DMD: variants seen among roughly 807,000 people sequenced by gnomAD.
DMD encodes mutant dystrophin.
Under a neutral mutation model 330.1 loss-of-function variants are expected in DMD, and 63 were observed. That is an observed-to-expected ratio of 0.19 (90% confidence interval 0.16 to 0.24). The LOEUF (loss-of-function observed/expected upper bound fraction) is 0.24. DMD is among the 10% of genes least tolerant of loss of function. DMD has a pLI of 1.00. For synonymous variants in DMD, 1,223 were observed against 959.8 expected, an observed-to-expected ratio of 1.27 and a Z score of -5.07; for missense variants, 3,344 against 2,684.1, an observed-to-expected ratio of 1.25 and a Z score of -5.43.
chrX:31,304,603 T>TTATATA (rs201982524), intron 62 of DMD, among the ~76,000 whole-genome samples: 2 of 104,607 alleles, frequency 1.9e-5, no homozygotes, highest in South Asian at 4.0e-4. Flanking sequence ...TGTGAGCATT[T>TTATATA]TATATATATA....
At chrX:31,502,719 G>T (rs1000364595) in intron 56 of DMD, among the ~76,000 whole-genome samples, 3 of 110,873 alleles carry the variant, frequency 2.7e-5, no homozygotes, top group African/African-American at 9.8e-5. Flanking sequence ...ACAATGATCT[G>T]GAAAAATAAT....
chrX:32,843,946 A>T (rs1222985394), intron 4 of DMD, among the ~76,000 whole-genome samples: 1 of 112,313 alleles, frequency 8.9e-6, no homozygotes, highest in Non-Finnish European at 1.9e-5. Context: ...TGCCATTCAT[A>T]CCCCAAGTAA....
At chrX:32,797,168 G>C (rs1347927065) in intron 7 of DMD, among the ~76,000 whole-genome samples, 1 of 110,783 alleles carries the variant, frequency 9.0e-6, no homozygotes, top group Admixed American at 9.7e-5. Flanking sequence ...TTTTGCCTAG[G>C]CTTGAGAGTA....
chrX:33,330,060 G>C (rs2054147227), intron 1 of DMD, among the ~76,000 whole-genome samples: 1 of 110,830 alleles, frequency 9.0e-6, no homozygotes, highest in African/African-American at 3.3e-5. Context: ...TAGATATATA[G>C]ATAAATATAT....
intron 2 of DMD, among the ~76,000 whole-genome samples, chrX:32,893,393 T>C (rs191831424): frequency 1.8e-5 from 2 of 111,987 alleles, no homozygotes; most frequent in Non-Finnish European, 3.8e-5. Context: ...ATGTCTTCCA[T>C]TTCTTTCCTT....
intron 51 of DMD, among the ~76,000 whole-genome samples, chrX:31,756,581 C>T (rs1195623469): frequency 1.1e-4 from 12 of 112,741 alleles, no homozygotes; most frequent in Non-Finnish European, 2.1e-4. Context: ...AGTCACTTAA[C>T]CTCTCTGAGT....
chrX:32,080,034 G>C (rs2096380803), intron 44 of DMD, among the ~76,000 whole-genome samples: 1 of 112,423 alleles, frequency 8.9e-6, no homozygotes, highest in Non-Finnish European at 1.9e-5. Context: ...AATGGGTATA[G>C]AGGCCACCAG....
intron 44 of DMD, among the ~76,000 whole-genome samples, chrX:32,087,555 C>T (rs2096448145): frequency 9.0e-6 from 1 of 111,451 alleles, no homozygotes; most frequent in Non-Finnish European, 1.9e-5. Flanking sequence ...TCGTGTTGTG[C>T]GTTGGAATTT....
intron 74 of DMD, among the ~76,000 whole-genome samples, chrX:31,168,324 T>C (rs773736589): frequency 1.8e-5 from 2 of 110,526 alleles, no homozygotes; most frequent in East Asian, 2.9e-4. Flanking sequence ...AGAAATCCAG[T>C]GAAAGGGGAA....
chrX:31,257,342 G>A (rs1194657915), intron 63 of DMD, among the ~76,000 whole-genome samples: 3 of 107,563 alleles, frequency 2.8e-5, no homozygotes, highest in Non-Finnish European at 5.7e-5. Context: ...GTTCAGGTTC[G>A]ATTAGGAGAG....
chrX:31,749,318 A>G (rs1427246302), intron 51 of DMD, among the ~76,000 whole-genome samples: 2 of 72,318 alleles, frequency 2.8e-5, no homozygotes, highest in Non-Finnish European at 4.9e-5. Context: ...AACAGTCCCC[A>G]GAGTGTGATG....
chrX:32,256,607 C>T (rs187896202), intron 43 of DMD, among the ~76,000 whole-genome samples: 2 of 110,468 alleles, frequency 1.8e-5, no homozygotes, highest in East Asian at 5.7e-4. Flanking sequence ...TTCATAGGGT[C>T]GATGGTCTTT....
intron 48 of DMD, 149 bp downstream of exon 48, chrX:31,875,039 C>T: frequency 1.9e-6 from 1 of 515,756 alleles, no homozygotes; most frequent in Non-Finnish European, 3.2e-6. Context: ...GGTCCCTGTG[C>T]CTATTGTGGT....
intron 2 of DMD, among the ~76,000 whole-genome samples, chrX:32,913,289 T>C (rs2087466586): frequency 8.9e-6 from 1 of 112,265 alleles, no homozygotes; most frequent in Non-Finnish European, 1.9e-5. Context: ...TTAATATGTG[T>C]CTACATAATA....
intron 2 of DMD, 25 bp from the exon 3 acceptor site, chrX:32,849,845 A>C (rs1323538606): frequency 9.6e-7 from 1 of 1,045,827 alleles, no homozygotes. Flanking sequence ...AATACACTCA[A>C]TTTAACAAAG....
chrX:31,836,945 C>A, intron 48 of DMD, 126 bp from the exon 49 acceptor site: 1 of 544,388 alleles, frequency 1.8e-6, no homozygotes, highest in Admixed American at 3.0e-5. Context: ...CATAAGGGCA[C>A]AAAAATGTAG....
intron 1 of DMD, among the ~76,000 whole-genome samples, chrX:33,093,126 C>T (rs1484906799): frequency 2.7e-5 from 3 of 111,702 alleles, no homozygotes; most frequent in Non-Finnish European, 5.6e-5. Flanking sequence ...CCACCCGCCT[C>T]GGCCTCCCAA....
At chrX:32,454,889 T>C (rs1337585178) in intron 25 of DMD, 57 bp from the exon 26 acceptor site, 2 of 1,145,084 alleles carry the variant, frequency 1.7e-6, no homozygotes, top group East Asian at 6.1e-5. Context: ...ACATTATTAT[T>C]ATATTATTTC....
chrX:31,335,312 T>A (rs2057356516), intron 61 of DMD, among the ~76,000 whole-genome samples: 1 of 112,470 alleles, frequency 8.9e-6, no homozygotes, highest in Non-Finnish European at 1.9e-5. Context: ...CCAGGCTAAG[T>A]TCTTTCATTT....
Sources: allele counts gnomAD v4.1 joint callset (sites outside exome capture counted in the v4.1 genomes callset), GRCh38; gene constraint gnomAD v4.1.1; transcripts MANE v1.5; gene names NCBI Gene and HGNC (gene_info 2026-07-23, HGNC 2026-07-21).